The following DBF4B variants were observed in gnomAD, a reference collection of about 807,000 sequenced individuals.
DBF4B encodes protein DBF4 homolog B.
In DBF4B, 49 loss-of-function variants were observed where a neutral mutation model predicts 53.4. The observed-to-expected ratio is 0.92, with a 90% CI of 0.73 to 1.16. The LOEUF is 1.16. Among genes scored for constraint, DBF4B ranks in the 50% most tolerant of loss-of-function variants. The probability of loss-of-function intolerance (pLI) is 0.00; values close to 1 mark genes in which losing one functional copy is unlikely to be tolerated. For missense variants in DBF4B, 692 were observed against 775.0 expected (o/e 0.89, Z 1.27); for synonymous variants, 257 against 288.7 (o/e 0.89, Z 1.11).
At chr17:44,748,569 G>A (rs780269546) in intron 13 of DBF4B, 104 bp downstream of exon 13, 14 of 1,560,104 alleles carry the variant, frequency 9.0e-6, no homozygotes, top group Non-Finnish European at 1.2e-5. Context: ...AGGACCTGGG[G>A]GTGTCAGTTG....
chr17:44,749,326 C>T lies in DBF4B; in HGVS notation c.1189+861C>T. 7.8e-7 allele frequency: 1 copy of T among 1,290,124 alleles called. No homozygotes were observed. Among genetic ancestry groups the T allele is most frequent in the Non-Finnish European group, 1.0e-6 (1 of 988,864 alleles). 79.9% of individuals were successfully genotyped at this position (1,290,124 alleles called of 1,614,324 possible). A position where few individuals can be genotyped will look rare whatever the true frequency, so the allele number is the denominator to read the frequency against. Reference sequence around the variant, plus strand: ...GCTGCTCCTACGAGTCCCCAAGGTGCTTGGCTCTTCACAGGGCCAGGCAGC... The same window carrying T: ...GCTGCTCCTACGAGTCCCCAAGGTGTTTGGCTCTTCACAGGGCCAGGCAGC... On this transcript the variant is annotated intron_variant, in intron 13 of 13. Coordinates refer to ENST00000315005, the MANE Select transcript of DBF4B (RefSeq NM_145663.3). The surrounding 1 kb of genome is among the most constrained non-coding windows in gnomAD (Gnocchi z 4.4).
In DBF4B at chr17:44,731,606, AAAAAAAC is replaced by A. The variant is rs202120647; in HGVS notation, c.469-562_469-556del. 676 of 157,716 alleles carry A rather than the reference AAAAAAAC, an allele frequency of 4.3e-3. 7 individuals carry two copies. The highest frequency in any genetic ancestry group is 0.016 in the African/African-American group (649 of 41,618). 9.8% of individuals were successfully genotyped at this position (157,716 alleles called of 1,614,324 possible). A position where few individuals can be genotyped will look rare whatever the true frequency, so the allele number is the denominator to read the frequency against. On this transcript the variant is annotated intron_variant, in intron 5 of 13. Coordinates refer to ENST00000315005, the MANE Select transcript of DBF4B (RefSeq NM_145663.3). ...CGATAGAGCTAGACTCTGTCTCAAA[AAAAAAAC>A]AAAAAACAAGTAACTCTTTATTCCT...
Position 44,749,175 on chromosome 17 carries a change from A to G in DBF4B, c.1189+710A>G. 6 of 1,289,778 alleles carry G rather than the reference A, an allele frequency of 4.7e-6. No individual in the cohort carries two copies. Among genetic ancestry groups the G allele is most frequent in the Non-Finnish European group, 6.1e-6 (6 of 988,840 alleles). The allele number at this position is 1,289,778 out of a possible 1,614,324, so 79.9% of individuals were successfully genotyped here. A position where few individuals can be genotyped will look rare whatever the true frequency, so the allele number is the denominator to read the frequency against. ...CTACCTCCCTCCTGCAGCCCCTGCC[A>G]GCCAGTGCGGGAGCCAGCTGTTCCC... is the stretch of plus-strand genomic sequence containing the variant. On this transcript the variant is annotated intron_variant, in intron 13 of 13. Coordinates refer to ENST00000315005, the MANE Select transcript of DBF4B (RefSeq NM_145663.3). The surrounding 1 kb of genome is among the most constrained non-coding windows in gnomAD (Gnocchi z 4.4).
chr17:44,713,254 T>C (rs1973052089), intron 2 of DBF4B, among the ~76,000 whole-genome samples: 1 of 149,856 alleles, frequency 6.7e-6, no homozygotes, highest in Non-Finnish European at 1.5e-5. Context: ...TGTTAGCCTG[T>C]ATGGTCTTCA....
Position 44,749,632 on chromosome 17 carries a change from A to G in DBF4B, c.1190-963A>G, listed in dbSNP as rs1019932562. 14 of 1,183,968 alleles carry G rather than the reference A, an allele frequency of 1.2e-5. No homozygotes were observed. The East Asian group carries it at 7.6e-4, about 65-fold the overall frequency. The allele number at this position is 1,183,968 out of a possible 1,614,324, so 73.3% of individuals were successfully genotyped here. ...TCCTGCCATGTTCCTGACCAGGCAG[A>G]GTCTACAGTGGGCTTGCCCAGCTGA... On this transcript the variant is annotated intron_variant, in intron 13 of 13. Transcript: ENST00000315005. The surrounding 1 kb of genome is among the most constrained non-coding windows in gnomAD (Gnocchi z 4.4).
At chr17:44,743,226 T>G (rs1405685002) in intron 10 of DBF4B, among the ~76,000 whole-genome samples, 2 of 152,174 alleles carry the variant, frequency 1.3e-5, no homozygotes, top group Non-Finnish European at 2.9e-5. Flanking sequence ...AATGAAGCTT[T>G]GGTATCTGCA....
chr17:44,723,907 T>C (rs1974065985), intron 3 of DBF4B, among the ~76,000 whole-genome samples: 1 of 152,026 alleles, frequency 6.6e-6, no homozygotes, highest in Admixed American at 6.6e-5. Context: ...GTCCAGGAGT[T>C]CAAGATCAGC....
At chr17:44,730,803 C>A (rs138606359) in intron 4 of DBF4B, among the ~76,000 whole-genome samples, 162 bp from the exon 5 acceptor site, 1 of 152,190 alleles carries the variant, frequency 6.6e-6, no homozygotes, top group Admixed American at 6.5e-5. Flanking sequence ...ACCTCCTAAA[C>A]GTTTTCTAGG....
chr17:44,747,280 T>C (rs9893320), intron 11 of DBF4B, 89 bp downstream of exon 11: 1,407,636 of 1,594,616 alleles, frequency 0.88, 621,801 homozygotes, highest in African/African-American at 0.94. Flanking sequence ...GCGATCTCTA[T>C]GCTGCTATGG....
In DBF4B at chr17:44,749,560, C is replaced by G; in HGVS notation, c.1190-1035C>G. 1 of 1,209,888 alleles carries G rather than the reference C, an allele frequency of 8.3e-7. No homozygotes were observed. Among genetic ancestry groups the G allele is most frequent in the Non-Finnish European group, 1.1e-6 (1 of 951,406 alleles). The allele number at this position is 1,209,888 out of a possible 1,614,324, so 74.9% of individuals were successfully genotyped here. A position where few individuals can be genotyped will look rare whatever the true frequency, so the allele number is the denominator to read the frequency against. On this transcript the variant is annotated intron_variant, in intron 13 of 13. Transcript: ENST00000315005. The surrounding 1 kb of genome is among the most constrained non-coding windows in gnomAD (Gnocchi z 4.4). ...GAGCCACCCCTCCCACTGGCCAGGT[C>G]TTTGGGAGAGAATCTGGGCTGGGGG... is the stretch of plus-strand genomic sequence containing the variant.
chr17:44,730,926 G>C (rs369439547), intron 4 of DBF4B, 39 bp from the exon 5 acceptor site: 1 of 1,610,444 alleles, frequency 6.2e-7, no homozygotes, highest in African/African-American at 1.3e-5. Flanking sequence ...TGCACAGGTG[G>C]CCTAACAGCA....
chr17:44,746,517 G>A (rs991866220), intron 10 of DBF4B, among the ~76,000 whole-genome samples: 17 of 152,016 alleles, frequency 1.1e-4, no homozygotes, highest in African/African-American at 3.4e-4. Context: ...TTCACCTGTC[G>A]TTTAAGAGAA....
chr17:44,746,735 C>T (rs1976635016), intron 10 of DBF4B, among the ~76,000 whole-genome samples: 1 of 151,482 alleles, frequency 6.6e-6, no homozygotes, highest in South Asian at 2.1e-4. Flanking sequence ...AGGAGAATGG[C>T]TTGAGCCCAG....
intron 2 of DBF4B, among the ~76,000 whole-genome samples, chr17:44,711,490 C>A (rs1972861778): frequency 6.6e-6 from 1 of 152,072 alleles, no homozygotes; most frequent in Admixed American, 6.6e-5. Context: ...TGTCTCCACA[C>A]CTGGCTTCCT....
chr17:44,725,139 A>C (rs1974200560), intron 3 of DBF4B, among the ~76,000 whole-genome samples: 2 of 151,070 alleles, frequency 1.3e-5, no homozygotes, highest in Non-Finnish European at 1.5e-5. Context: ...AAAAAAAAAA[A>C]CATTAGCTGG....
chr17:44,750,739 G>C lies in DBF4B; in HGVS notation c.1334G>C (p.Cys445Ser). The change falls in exon 14 of 14, where the codon TGT (cysteine) becomes TCT (serine). Residue 445 changes from cysteine to serine, a missense_variant. Cys to Ser is a moderately radical substitution (Grantham distance 112). Coordinates refer to ENST00000315005, the MANE Select transcript of DBF4B (RefSeq NM_145663.3). ...GGCTCCAGGGAGCAGGGCTGCCTCT[G>C]TCCCTGCCCAGCCTCCTTTACCCAG... ...PKGSREQGCLCPCPASFTQSH... is the reference protein window; with the variant it reads ...PKGSREQGCLSPCPASFTQSH... The C allele has an allele frequency of 1.2e-6, 2 of 1,614,146 alleles. No homozygotes were observed. Among genetic ancestry groups the C allele is most frequent in the Non-Finnish European group, 1.7e-6 (2 of 1,180,032 alleles).
In DBF4B at chr17:44,747,066, C is replaced by T. The variant is rs2049116176; in HGVS notation, c.831-17C>T. The T allele has an allele frequency of 6.2e-7, 1 of 1,612,706 alleles. No homozygotes were observed. The highest frequency in any genetic ancestry group is 1.3e-5 in the African/African-American group (1 of 75,024). ...CCCCAGCAGTAACCACTTTGCCGCA[C>T]TATGTACCCTCCCCAGAGAATCCAA... is the stretch of plus-strand genomic sequence containing the variant. On this transcript the variant is annotated splice_polypyrimidine_tract_variant and intron_variant, in intron 10 of 13. Coordinates refer to ENST00000315005, the MANE Select transcript of DBF4B (RefSeq NM_145663.3).
Position 44,751,576 on chromosome 17 carries a change from C to T in DBF4B, c.*323C>T. 7.5e-7 allele frequency: 1 copy of T among 1,340,202 alleles called. No individual in the cohort carries two copies. Among genetic ancestry groups the T allele is most frequent in the Non-Finnish European group, 9.6e-7 (1 of 1,046,722 alleles). 83.0% of individuals were successfully genotyped at this position (1,340,202 alleles called of 1,614,324 possible). A position where few individuals can be genotyped will look rare whatever the true frequency, so the allele number is the denominator to read the frequency against. On this transcript the variant is annotated 3_prime_UTR_variant, in exon 14 of 14. Transcript: ENST00000315005. ...TTCTCAGACTTGCCACCTTTCCCCTCTGCCCCAAAATGCCATGCTCCTCTC... is the reference window on the plus strand; with the variant it reads ...TTCTCAGACTTGCCACCTTTCCCCTTTGCCCCAAAATGCCATGCTCCTCTC...
chr17:44,734,862 G>C (rs944712794), intron 7 of DBF4B, among the ~76,000 whole-genome samples: 1 of 152,224 alleles, frequency 6.6e-6, no homozygotes. Flanking sequence ...CCAGCACTTT[G>C]GGAGGCCAAG....
Sources: gnomAD v4.1 joint callset for allele counts (sites outside exome capture counted in the v4.1 genomes callset) on GRCh38, gnomAD v4.1.1 for gene constraint, Gnocchi (gnomAD v3.1) non-coding constraint, MANE v1.5 for transcripts, NCBI Gene and HGNC (gene_info 2026-07-23, HGNC 2026-07-21) for gene names.